SSU72: variants seen among roughly 807,000 people sequenced by gnomAD.
The protein encoded by SSU72 is SSU72 homolog, RNA polymerase II CTD phosphatase.
SSU72 carries 12 observed loss-of-function variants against 22.7 expected under a neutral mutation model. The observed-to-expected ratio is 0.53, with a 90% CI of 0.34 to 0.86. The LOEUF is 0.86. SSU72 is among the 40% of genes least tolerant of loss of function. The pLI, the probability that SSU72 is intolerant of heterozygous loss-of-function variation, is 0.02. For synonymous variants in SSU72, 116 were observed against 98.3 expected, an observed-to-expected ratio of 1.18 and a Z score of -1.06; for missense variants, 151 against 249.8, an observed-to-expected ratio of 0.60 and a Z score of 2.67.
At chr1:1,544,117 T>G in intron 3 of SSU72, 130 bp from the exon 4 acceptor site, 1 of 668,828 alleles carries the variant, frequency 1.5e-6, no homozygotes, top group Non-Finnish European at 2.6e-6. Flanking sequence ...ACTCTGCAGT[T>G]TGGGGAGCAC....
intron 1 of SSU72, 122 bp downstream of exon 1, chr1:1,574,356 C>T (rs1490501405): frequency 6.6e-6 from 7 of 1,061,348 alleles, no homozygotes; most frequent in East Asian, 3.2e-5. Context: ...ACCAGCCGAC[C>T]CACGAGCGCG....
rs1028582880 is a variant in SSU72, at chr1:1,542,343, G to A, written c.484-176C>T. ...CGGCCGGAGGCTGCAGGGGGAGAGC[G>A]TCCCGGGCAGCCCCCACCTCCCCAC... is the stretch of plus-strand genomic sequence containing the variant. On this transcript the variant is annotated intron_variant, in intron 4 of 4. Coordinates refer to ENST00000291386, the MANE Select transcript of SSU72 (RefSeq NM_014188.3). This position sits in a 1 kb window ranked among gnomAD's most constrained non-coding sequence, Gnocchi z 4.4. Among the ~76,000 whole-genome samples the A allele has an allele frequency of 1.3e-5, 2 of 152,120 alleles. No homozygotes were observed. The highest frequency in any genetic ancestry group is 1.9e-4 in the East Asian group (1 of 5,184).
chr1:1,548,856 G>A (rs1642423764), intron 2 of SSU72, among the ~76,000 whole-genome samples: 1 of 152,370 alleles, frequency 6.6e-6, no homozygotes, highest in Admixed American at 6.5e-5. Context: ...CCACCGGCCA[G>A]CATGAGCCAA....
intron 3 of SSU72, chr1:1,544,591 C>T (rs1642368820): frequency 4.1e-6 from 2 of 487,234 alleles, no homozygotes; most frequent in African/African-American, 2.0e-5. Context: ...GCACTCCAGC[C>T]TGGCGACAGA....
At chr1:1,550,372 G>A (rs1265528669) in intron 2 of SSU72, among the ~76,000 whole-genome samples, 2 of 152,092 alleles carry the variant, frequency 1.3e-5, no homozygotes, top group East Asian at 1.9e-4. Context: ...CTTTTCTTTC[G>A]AGTTAAGGCA....
At chr1:1,550,207 T>C (rs1465579269) in intron 2 of SSU72, among the ~76,000 whole-genome samples, 1 of 148,458 alleles carries the variant, frequency 6.7e-6, no homozygotes, top group South Asian at 2.1e-4. Context: ...TATATATATA[T>C]GTATATAAAT....
Position 1,554,730 on chromosome 1 carries a change from C to T in SSU72, c.225-9728G>A, listed in dbSNP as rs3820076. ...CACCAGGGACCGCACTCTCCCACCA[C>T]GGCCTGGGAAAAAGCCATGTCAGGT... On this transcript the variant is annotated intron_variant, in intron 2 of 4. Coordinates refer to ENST00000291386, the MANE Select transcript of SSU72 (RefSeq NM_014188.3). The surrounding 1 kb of genome is among the most constrained non-coding windows in gnomAD (Gnocchi z 4.1). Among the ~76,000 whole-genome samples the T allele has an allele frequency of 1.1e-4, 17 of 152,222 alleles. 1 individual carries two copies. In the East Asian group the frequency reaches 2.9e-3, roughly 26 times the overall value.
chr1:1,559,155 A>T (rs1409430931), intron 2 of SSU72, among the ~76,000 whole-genome samples: 1 of 152,234 alleles, frequency 6.6e-6, no homozygotes, highest in Non-Finnish European at 1.5e-5. Context: ...GAAACCTGGG[A>T]CTTAGAAATA....
chr1:1,561,704 T>C (rs1642595359), intron 2 of SSU72: 1 of 152,314 alleles, frequency 6.6e-6, no homozygotes, highest in Non-Finnish European at 1.5e-5. Flanking sequence ...GCCAAGGGCA[T>C]CATGTGCAAG....
At chr1:1,558,610 T>C (rs559154132) in intron 2 of SSU72, among the ~76,000 whole-genome samples, 2 of 152,340 alleles carry the variant, frequency 1.3e-5, no homozygotes, top group South Asian at 2.1e-4. Flanking sequence ...TTGCAGTTCA[T>C]AACACAAAAA....
intron 1 of SSU72, among the ~76,000 whole-genome samples, chr1:1,571,469 C>T (rs1014868149): frequency 8.0e-5 from 12 of 150,196 alleles, no homozygotes; most frequent in Non-Finnish European, 1.5e-4. Flanking sequence ...AGGTCTATGT[C>T]TAAATTAACT....
intron 4 of SSU72, 112 bp downstream of exon 4, chr1:1,543,757 C>T (rs547193635): frequency 2.4e-5 from 18 of 743,256 alleles, no homozygotes; most frequent in African/African-American, 1.1e-4. Flanking sequence ...CCCTCTGTCA[C>T]GGCCTCGGCC....
At chr1:1,556,308 C>T (rs1305059922) in intron 2 of SSU72, among the ~76,000 whole-genome samples, 1 of 152,200 alleles carries the variant, frequency 6.6e-6, no homozygotes, top group East Asian at 1.9e-4. Flanking sequence ...GGCGGCGTGC[C>T]TGTAGTCCCA....
intron 2 of SSU72, among the ~76,000 whole-genome samples, chr1:1,548,242 G>C (rs1049226524): frequency 2.0e-5 from 3 of 152,208 alleles, no homozygotes; most frequent in Non-Finnish European, 1.5e-5. Context: ...AGGAGCCTCA[G>C]CTGAAGTTAA....
At chr1:1,545,463 T>TCC (rs1485935524) in intron 2 of SSU72, 2 of 161,088 alleles carry the variant, frequency 1.2e-5, no homozygotes, top group African/African-American at 4.8e-5. Flanking sequence ...GGAAACCCAG[T>TCC]CCCCAGTCTA....
intron 2 of SSU72, among the ~76,000 whole-genome samples, chr1:1,560,207 AAG>A (rs778113978): frequency 4.1e-4 from 63 of 152,178 alleles, no homozygotes; most frequent in African/African-American, 1.5e-3. Flanking sequence ...CTTTTTTAAC[AAG>A]AGTCTTGTTC....
intron 2 of SSU72, among the ~76,000 whole-genome samples, chr1:1,549,871 G>A (rs1235096430): frequency 6.6e-6 from 1 of 151,814 alleles, no homozygotes; most frequent in East Asian, 1.9e-4. Context: ...TGCTCAGGAG[G>A]CTGGGGCAGG....
intron 2 of SSU72, chr1:1,564,356 T>A (rs749061423): frequency 1.1e-5 from 11 of 997,396 alleles, no homozygotes; most frequent in Non-Finnish European, 1.6e-5. Context: ...TCACCAGATG[T>A]GTGAAGCAGC....
rs1642790173 is a variant in SSU72 at position 1,574,714 on chromosome 1, C to T, written c.-157G>A. On this transcript the variant is annotated 5_prime_UTR_variant, in exon 1 of 5. Coordinates refer to ENST00000291386, the MANE Select transcript of SSU72 (RefSeq NM_014188.3). ...TGCGGCGACTGCGCGGCGGCCTCCCCGCCCACCCTGGGCGCCGGGCCGCGG... is the reference window on the plus strand; with the variant it reads ...TGCGGCGACTGCGCGGCGGCCTCCCTGCCCACCCTGGGCGCCGGGCCGCGG... The T allele has an allele frequency of 4.9e-6, 3 of 614,618 alleles. No individual in the cohort carries two copies. The highest frequency in any genetic ancestry group is 2.0e-5 in the African/African-American group (1 of 50,930). The allele number at this position is 614,618 out of a possible 1,614,324, so 38.1% of individuals were successfully genotyped here. A position where few individuals can be genotyped will look rare whatever the true frequency, so the allele number is the denominator to read the frequency against.
Sources: gnomAD v4.1 joint callset for allele counts (sites outside exome capture counted in the v4.1 genomes callset) on GRCh38, gnomAD v4.1.1 for gene constraint, Gnocchi (gnomAD v3.1) non-coding constraint, MANE v1.5 for transcripts, NCBI Gene and HGNC (gene_info 2026-07-23, HGNC 2026-07-21) for gene names.